The following FRAS1 variants were observed in gnomAD, a reference collection of about 807,000 sequenced individuals.
The protein encoded by FRAS1 is Fraser extracellular matrix complex subunit 1.
A neutral mutation model predicts 435.2 loss-of-function variants in FRAS1; 290 were observed. That is an observed-to-expected ratio of 0.67 (90% confidence interval 0.61 to 0.73). The LOEUF (loss-of-function observed/expected upper bound fraction) is 0.73, where lower values mean the gene tolerates loss of function less well. Ranked by LOEUF, FRAS1 falls within the 30% of genes least tolerant of loss-of-function variation. The probability of loss-of-function intolerance (pLI) is 0.00; values close to 1 mark genes in which losing one functional copy is unlikely to be tolerated. For synonymous variants in FRAS1, 1,800 were observed against 1,851.0 expected (o/e 0.97, Z 0.71); for missense variants, 4,860 against 5,001.5 (o/e 0.97, Z 0.85).
At chr4:78,293,157 G>T (rs1208424121) in intron 14 of FRAS1, among the ~76,000 whole-genome samples, 1 of 151,960 alleles carries the variant, frequency 6.6e-6, no homozygotes, top group Non-Finnish European at 1.5e-5. Flanking sequence ...AAATAAACAA[G>T]ATAATATTAA....
At chr4:78,479,341 A>G (rs1719941077) in intron 55 of FRAS1, 33 bp from the exon 56 acceptor site, 5 of 1,400,788 alleles carry the variant, frequency 3.6e-6, no homozygotes, top group Non-Finnish European at 4.7e-6. Flanking sequence ...GCACTCATTC[A>G]AATGCTTTGG....
intron 27 of FRAS1, among the ~76,000 whole-genome samples, chr4:78,383,583 C>T (rs920847770): frequency 2.6e-5 from 4 of 152,038 alleles, no homozygotes; most frequent in Non-Finnish European, 5.9e-5. Context: ...GATGAACAGC[C>T]GTGTAATACA....
At chr4:78,466,609 T>C (rs1022170765) in intron 50 of FRAS1, among the ~76,000 whole-genome samples, 174 bp downstream of exon 50, 4 of 152,234 alleles carry the variant, frequency 2.6e-5, no homozygotes, top group Admixed American at 2.6e-4. Context: ...AAATGGACAG[T>C]AATTATCTGC....
intron 2 of FRAS1, among the ~76,000 whole-genome samples, chr4:78,115,749 T>C (rs971967530): frequency 1.8e-4 from 27 of 152,202 alleles, no homozygotes; most frequent in Non-Finnish European, 5.9e-5. Context: ...GATAGTGGTC[T>C]ATCAATTTTG....
intron 2 of FRAS1, among the ~76,000 whole-genome samples, chr4:78,236,476 T>C (rs1216783579): frequency 6.6e-6 from 1 of 152,146 alleles, no homozygotes; most frequent in Non-Finnish European, 1.5e-5. Context: ...ACAGCACTCT[T>C]CAAAAAGATT....
chr4:78,362,141 T>G (rs564525581), intron 20 of FRAS1, among the ~76,000 whole-genome samples: 3 of 152,338 alleles, frequency 2.0e-5, no homozygotes, highest in African/African-American at 7.2e-5. Flanking sequence ...CTGTGCACTA[T>G]GTATTGGGTC....
At chr4:78,093,910 T>C (rs561109002) in intron 2 of FRAS1, among the ~76,000 whole-genome samples, 59 of 152,286 alleles carry the variant, frequency 3.9e-4, no homozygotes, top group Middle Eastern at 6.8e-3. Flanking sequence ...TTCTATATTA[T>C]GTTGTACTTA....
At chr4:78,474,613 G>A (rs905194452) in intron 53 of FRAS1, among the ~76,000 whole-genome samples, 3 of 151,936 alleles carry the variant, frequency 2.0e-5, no homozygotes, top group Non-Finnish European at 4.4e-5. Flanking sequence ...CCCTTTTTCT[G>A]GACAACCCTC....
intron 67 of FRAS1, among the ~76,000 whole-genome samples, chr4:78,519,693 G>A (rs1410101766): frequency 1.3e-5 from 2 of 152,176 alleles, no homozygotes; most frequent in Non-Finnish European, 2.9e-5. Context: ...GATAGCTAAG[G>A]TCCCAGCGTA....
chr4:78,130,870 T>C (rs1255255897), intron 2 of FRAS1, among the ~76,000 whole-genome samples: 1 of 152,154 alleles, frequency 6.6e-6, no homozygotes, highest in Middle Eastern at 3.2e-3. Flanking sequence ...AAGTCATAAC[T>C]TGTAGCAGGG....
chr4:78,469,343 A>C (rs765575835), intron 50 of FRAS1, among the ~76,000 whole-genome samples: 1 of 152,216 alleles, frequency 6.6e-6, no homozygotes, highest in Non-Finnish European at 1.5e-5. Flanking sequence ...GCATGCATGC[A>C]TGTGTGTATC....
At chr4:78,235,916 T>C (rs569223706) in intron 2 of FRAS1, among the ~76,000 whole-genome samples, 11 of 152,322 alleles carry the variant, frequency 7.2e-5, no homozygotes, top group African/African-American at 2.4e-4. Context: ...GCCACTGCAC[T>C]TCAGCCTGGT....
intron 2 of FRAS1, among the ~76,000 whole-genome samples, chr4:78,165,949 C>T (rs1721318054): frequency 1.3e-5 from 2 of 152,062 alleles, no homozygotes; most frequent in South Asian, 2.1e-4. Flanking sequence ...AGCTCAGATT[C>T]GAAAGATGGG....
chr4:78,278,799 A>C, intron 10 of FRAS1, 55 bp downstream of exon 10: 1 of 1,026,328 alleles, frequency 9.7e-7, no homozygotes, highest in South Asian at 1.4e-5. Context: ...AAATTAATCT[A>C]ATGAGGGAAC....
intron 66 of FRAS1, among the ~76,000 whole-genome samples, chr4:78,516,593 C>G (rs762385581): frequency 2.0e-5 from 3 of 152,146 alleles, no homozygotes; most frequent in African/African-American, 4.8e-5. Flanking sequence ...AAAGACAAAC[C>G]AGAGACTGGT....
intron 2 of FRAS1, among the ~76,000 whole-genome samples, chr4:78,074,616 C>T (rs775822057): frequency 6.6e-6 from 1 of 152,056 alleles, no homozygotes. Context: ...GATTTTGTTG[C>T]AGTTTCCCAC....
chr4:78,382,440 C>T (rs956446428), intron 27 of FRAS1, among the ~76,000 whole-genome samples: 1 of 151,866 alleles, frequency 6.6e-6, no homozygotes, highest in Non-Finnish European at 1.5e-5. Context: ...ATATACTGAA[C>T]ACTGTTATTG....
chr4:78,096,599 C>T (rs571697851), intron 2 of FRAS1, among the ~76,000 whole-genome samples: 15 of 152,286 alleles, frequency 9.8e-5, no homozygotes, highest in South Asian at 4.1e-4. Context: ...TCTGTGCACC[C>T]GCAGGCTCAA....
intron 56 of FRAS1, among the ~76,000 whole-genome samples, chr4:78,480,970 C>A (rs565486610): frequency 6.6e-6 from 1 of 152,290 alleles, no homozygotes; most frequent in Admixed American, 6.5e-5. Flanking sequence ...AAATGGAGGC[C>A]TGGATAGGTT....
Sources: gnomAD v4.1 joint callset for allele counts (sites outside exome capture counted in the v4.1 genomes callset) on GRCh38, gnomAD v4.1.1 for gene constraint, MANE v1.5 for transcripts, NCBI Gene and HGNC (gene_info 2026-07-23, HGNC 2026-07-21) for gene names.